Variants in TMEM132D observed in about 807,000 individuals in gnomAD.
The protein encoded by TMEM132D is mature OL transmembrane protein.
Under a neutral mutation model 62.3 loss-of-function variants are expected in TMEM132D, and 21 were observed. The ratio of observed to expected loss-of-function variants is 0.34; its 90% CI spans 0.24 to 0.49. The LOEUF (loss-of-function observed/expected upper bound fraction) is 0.49, where lower values mean the gene tolerates loss of function less well. TMEM132D is among the 20% of genes least tolerant of loss of function. TMEM132D has a pLI of 0.99. For missense variants in TMEM132D, 1,346 were observed against 1,402.8 expected, an observed-to-expected ratio of 0.96 and a Z score of 0.65; for synonymous variants, 621 against 575.6, an observed-to-expected ratio of 1.08 and a Z score of -1.13.
intron 1 of TMEM132D, among the ~76,000 whole-genome samples, chr12:129,842,108 T>G (rs951930678): frequency 2.1e-5 from 3 of 146,012 alleles, no homozygotes; most frequent in African/African-American, 7.6e-5. Context: ...TTTTTTTTTT[T>G]TTTTTTTTTT....
chr12:129,591,176 G>A (rs1174914326), intron 2 of TMEM132D, among the ~76,000 whole-genome samples: 1 of 152,108 alleles, frequency 6.6e-6, no homozygotes. Context: ...GAAGAAGGGG[G>A]CACTGTTGAG....
intron 3 of TMEM132D, among the ~76,000 whole-genome samples, chr12:129,402,386 G>A (rs550218016): frequency 1.5e-4 from 23 of 152,226 alleles, no homozygotes; most frequent in Admixed American, 3.3e-4. Context: ...GTAATCATCC[G>A]TCCCAGTAGG....
chr12:129,127,707 G>A (rs1037741448), intron 5 of TMEM132D, among the ~76,000 whole-genome samples: 6 of 151,890 alleles, frequency 4.0e-5, no homozygotes, highest in Non-Finnish European at 7.4e-5. Context: ...AAACCATGAC[G>A]AGTATTTGCC....
At chr12:129,552,106 G>C (rs1423745522) in intron 2 of TMEM132D, among the ~76,000 whole-genome samples, 1 of 152,126 alleles carries the variant, frequency 6.6e-6, no homozygotes, top group Admixed American at 6.5e-5. Flanking sequence ...GTTGTGTTCA[G>C]GAAGAAATAT....
chr12:129,448,430 T>G (rs12368569), intron 3 of TMEM132D, among the ~76,000 whole-genome samples: 17,229 of 152,206 alleles, frequency 0.11, 1,615 homozygotes, highest in East Asian at 0.48. Flanking sequence ...TGTGTCCATG[T>G]GTTCTCATCA....
chr12:129,275,324 A>G (rs538252613), intron 4 of TMEM132D, among the ~76,000 whole-genome samples: 1 of 152,280 alleles, frequency 6.6e-6, no homozygotes, highest in South Asian at 2.1e-4. Flanking sequence ...AAATAACTCA[A>G]GTCTATTTAA....
intron 3 of TMEM132D, among the ~76,000 whole-genome samples, chr12:129,414,721 G>A (rs767928038): frequency 2.0e-5 from 3 of 152,030 alleles, no homozygotes; most frequent in South Asian, 2.1e-4. Flanking sequence ...ATTAACTATC[G>A]TTACCATGCC....
chr12:129,793,776 C>T (rs1242414186), intron 1 of TMEM132D, among the ~76,000 whole-genome samples: 2 of 152,174 alleles, frequency 1.3e-5, no homozygotes, highest in African/African-American at 4.8e-5. Context: ...CCCTTCTCAC[C>T]CTTCTCCAAA....
chr12:129,449,826 A>G (rs1298654578), intron 3 of TMEM132D, among the ~76,000 whole-genome samples: 1 of 152,198 alleles, frequency 6.6e-6, no homozygotes, highest in African/African-American at 2.4e-5. Flanking sequence ...GACAGAAGCA[A>G]TGGTCTGTTT....
intron 3 of TMEM132D, among the ~76,000 whole-genome samples, chr12:129,523,303 GC>G (rs1164347113): frequency 6.6e-6 from 1 of 152,190 alleles, no homozygotes; most frequent in Non-Finnish European, 1.5e-5. Context: ...ACATCTAGTG[GC>G]CTTCGTAGGA....
chr12:129,241,150 CAAAAAA>C (rs35152074), intron 4 of TMEM132D, among the ~76,000 whole-genome samples: 1 of 95,646 alleles, frequency 1.0e-5, no homozygotes, highest in Non-Finnish European at 2.2e-5. Flanking sequence ...CCTCTTACCT[CAAAAAA>C]AAAAAAAAAA....
chr12:129,151,417 G>A (rs1013878415), intron 5 of TMEM132D, among the ~76,000 whole-genome samples: 1 of 152,204 alleles, frequency 6.6e-6, no homozygotes. Flanking sequence ...GACGTGAGGT[G>A]CAGAGAGGGG....
At chr12:129,543,526 G>A (rs1463332407) in intron 2 of TMEM132D, among the ~76,000 whole-genome samples, 3 of 152,184 alleles carry the variant, frequency 2.0e-5, no homozygotes, top group Admixed American at 1.3e-4. Context: ...GAACATCAGA[G>A]CTTAGCCTGG....
chr12:129,723,037 C>T (rs775395600), intron 1 of TMEM132D, among the ~76,000 whole-genome samples: 4 of 152,070 alleles, frequency 2.6e-5, no homozygotes, highest in Admixed American at 6.5e-5. Flanking sequence ...CCACTGTGCC[C>T]GGCCGATCCT....
chr12:129,541,216 C>T (rs774967327), intron 2 of TMEM132D, among the ~76,000 whole-genome samples: 50 of 152,132 alleles, frequency 3.3e-4, no homozygotes, highest in African/African-American at 9.9e-4. Flanking sequence ...AAGGAACACA[C>T]GCAGGCAGGC....
intron 2 of TMEM132D, among the ~76,000 whole-genome samples, chr12:129,560,213 T>A (rs185196422): frequency 6.6e-6 from 1 of 152,072 alleles, no homozygotes; most frequent in Non-Finnish European, 1.5e-5. Flanking sequence ...ACATTCAACA[T>A]GCATCTTCTT....
chr12:129,784,256 T>C (rs2137293186), intron 1 of TMEM132D, among the ~76,000 whole-genome samples: 1 of 152,280 alleles, frequency 6.6e-6, no homozygotes, highest in South Asian at 2.1e-4. Flanking sequence ...CTGAAACTAC[T>C]CTCTGAGTGG....
At chr12:129,662,126 G>A (rs1880249652) in intron 2 of TMEM132D, among the ~76,000 whole-genome samples, 1 of 152,192 alleles carries the variant, frequency 6.6e-6, no homozygotes, top group African/African-American at 2.4e-5. Flanking sequence ...TGAATCAAGT[G>A]AAAGCAAGTG....
At chr12:129,338,717 G>T (rs553926973) in intron 3 of TMEM132D, among the ~76,000 whole-genome samples, 1 of 152,172 alleles carries the variant, frequency 6.6e-6, no homozygotes, top group Admixed American at 6.5e-5. Flanking sequence ...ATTTCTAAAA[G>T]ATTTGAATTT....
Sources: allele counts gnomAD v4.1 joint callset (sites outside exome capture counted in the v4.1 genomes callset), GRCh38; gene constraint gnomAD v4.1.1; transcripts MANE v1.5; gene names NCBI Gene and HGNC (gene_info 2026-07-23, HGNC 2026-07-21).